The following MAP3K9 variants were observed in gnomAD, a reference collection of about 807,000 sequenced individuals.
The protein encoded by MAP3K9 is mixed lineage kinase 1 (tyr and ser/thr specificity).
Under a neutral mutation model 95.8 loss-of-function variants are expected in MAP3K9, and 46 were observed. The observed-to-expected ratio is 0.48, with a 90% CI of 0.38 to 0.61. The LOEUF is 0.61. Ranked by LOEUF, MAP3K9 falls within the 20% of genes least tolerant of loss-of-function variation. The pLI, the probability that MAP3K9 is intolerant of heterozygous loss-of-function variation, is 0.00. For missense variants in MAP3K9, 1,296 were observed against 1,474.3 expected, an observed-to-expected ratio of 0.88 and a Z score of 1.98; for synonymous variants, 533 against 593.8, an observed-to-expected ratio of 0.90 and a Z score of 1.49.
rs776036323 is a variant in MAP3K9, at chr14:70,761,039, G to T, written c.964C>A (p.Arg322=). ...TYAWMAPEVI[R]ASMFSKGSDV... is the part of the protein sequence containing the mutation. ...CTGCCTTTGGAAAACATGGAGGCCCGGATGACTTCGGGTGCCATCCAAGCA... is the reference window on the plus strand; with the variant it reads ...CTGCCTTTGGAAAACATGGAGGCCCTGATGACTTCGGGTGCCATCCAAGCA... The change falls in exon 3 of 12, where the codon CGG becomes AGG. Residue 322 remains arginine, a synonymous_variant. Coordinates refer to ENST00000554752, the MANE Select transcript of MAP3K9 (RefSeq NM_001284230.2). 1 of 1,613,818 alleles carries T rather than the reference G, an allele frequency of 6.2e-7. No homozygotes were observed. The highest frequency in any genetic ancestry group is 1.7e-5 in the Admixed American group (1 of 59,964).
Position 70,766,871 on chromosome 14 carries a change from T to A in MAP3K9, c.821-5689A>T, listed in dbSNP as rs1008908846. ...TGTAATTGATTAGTCTACCCTGCAC[T>A]TCTTTTTCCTGAATTCTTCCTTCAG... On this transcript the variant is annotated intron_variant, in intron 2 of 11. Transcript: ENST00000554752. 2.0e-5 allele frequency among the ~76,000 whole-genome samples: 3 copies of A among 152,328 alleles called. 1 individual carries two copies. The highest frequency in any genetic ancestry group is 2.0e-4 in the Admixed American group (3 of 15,300).
chr14:70,733,002 C>T lies in MAP3K9; in HGVS notation c.2367G>A (p.Glu789=). ...AAAGACCCTCCCGTCTTTTCTTCTC[C>T]TCCCGGGCTGGTGGCTCAGGCTCCT... ...PLEEPEPPAR[E]EKKRREGLFQ... is the part of the protein sequence containing the mutation. The change falls in exon 11 of 12, where the codon GAG becomes GAA. Residue 789 remains glutamate (E), a synonymous_variant. Coordinates refer to ENST00000554752, the MANE Select transcript of MAP3K9 (RefSeq NM_001284230.2). The T allele has an allele frequency of 6.2e-7, 1 of 1,614,158 alleles. No homozygotes were observed. The highest frequency in any genetic ancestry group is 1.1e-5 in the South Asian group (1 of 91,078).
At chr14:70,801,987 T>A (rs2054935599) in intron 1 of MAP3K9, among the ~76,000 whole-genome samples, 1 of 152,292 alleles carries the variant, frequency 6.6e-6, no homozygotes, top group Admixed American at 6.5e-5. Flanking sequence ...GGCCAGGAAA[T>A]GTCTTTAAAG....
Position 70,742,584 on chromosome 14 carries a change from C to A in MAP3K9, c.1334G>T (p.Arg445Leu). ...CCGCGTCAGCTCCTCCTCCCAGGTG[C>A]GAAGTTCCTGCAGGATGGGCAGAAC... ...DQLRAKEKEL[R>L]TWEEELTRAA... The change falls in exon 6 of 12, where the codon CGC (arginine) becomes CTC (leucine). Residue 445 changes from arginine (R) to leucine (L), a missense_variant. Physicochemically the swap from Arg to Leu is moderately radical, Grantham distance 102. Transcript: ENST00000554752. 6.2e-7 allele frequency: 1 copy of A among 1,613,834 alleles called. No homozygotes were observed.
In MAP3K9 at chr14:70,800,743, C is replaced by A; in HGVS notation, c.744G>T (p.Gln248His). The stretch of plus-strand genomic sequence containing the variant: ...GTAAGTAGTTCATCCCTCTGGCAAT[C>A]TGCACAGCCCAATTCACCAGGATGT... ...PPDILVNWAV[Q>H]IARGMNYLHD... is the part of the protein sequence containing the mutation. Residue 248 changes from glutamine to histidine, a missense_variant, in exon 2 of 12, where the codon CAG becomes CAT. Gln to His is a conservative substitution (Grantham distance 24). Around this residue, in one of 5 missense-constraint regions of MAP3K9, gnomAD observed 338 missense variants for 363.4 expected, o/e 0.93. Coordinates refer to ENST00000554752, the MANE Select transcript of MAP3K9 (RefSeq NM_001284230.2). 6.2e-7 allele frequency: 1 copy of A among 1,614,174 alleles called. No individual in the cohort carries two copies. The highest frequency in any genetic ancestry group is 8.5e-7 in the Non-Finnish European group (1 of 1,180,034).
At chr14:70,769,078 G>A (rs2054495884) in intron 2 of MAP3K9, among the ~76,000 whole-genome samples, 1 of 152,164 alleles carries the variant, frequency 6.6e-6, no homozygotes, top group African/African-American at 2.4e-5. Flanking sequence ...GGGAGTGGTG[G>A]AGCACACCCG....
chr14:70,772,923 T>C (rs1277473806), intron 2 of MAP3K9, among the ~76,000 whole-genome samples: 1 of 152,156 alleles, frequency 6.6e-6, no homozygotes, highest in African/African-American at 2.4e-5. Flanking sequence ...GGACATTTCA[T>C]TCAGCCCAGG....
Position 70,740,675 on chromosome 14 carries a change from G to A in MAP3K9, c.1568-511C>T, listed in dbSNP as rs114541188. 2.7e-3 allele frequency among the ~76,000 whole-genome samples: 404 copies of A among 152,212 alleles called. 2 individuals carry two copies. Among genetic ancestry groups the A allele is most frequent in the African/African-American group, 9.3e-3 (387 of 41,526 alleles). On this transcript the variant is annotated intron_variant, in intron 6 of 11. Coordinates refer to ENST00000554752, the MANE Select transcript of MAP3K9 (RefSeq NM_001284230.2). ...GAGATGGAGCAAATGGCTCCAATTC[G>A]GACACATTCCAAAGGAAGTTACAGT...
intron 2 of MAP3K9, chr14:70,765,330 A>C (rs2054435282): frequency 2.4e-6 from 1 of 424,106 alleles, no homozygotes; most frequent in Non-Finnish European, 4.2e-6. Context: ...ACTCCGTCTA[A>C]AAAAAAGTTT....
intron 2 of MAP3K9, among the ~76,000 whole-genome samples, chr14:70,788,417 T>C (rs918916231): frequency 5.9e-5 from 9 of 152,250 alleles, no homozygotes; most frequent in African/African-American, 1.9e-4. Flanking sequence ...TATTTAATCC[T>C]CACTTCTACC....
chr14:70,766,543 C>G (rs1215816111), intron 2 of MAP3K9, among the ~76,000 whole-genome samples: 1 of 152,148 alleles, frequency 6.6e-6, no homozygotes, highest in Admixed American at 6.5e-5. Context: ...ATAATGACAC[C>G]TACTCATTAT....
chr14:70,783,919 ATTTT>A (rs1199250723), intron 2 of MAP3K9, among the ~76,000 whole-genome samples: 6 of 152,208 alleles, frequency 3.9e-5, no homozygotes, highest in Non-Finnish European at 8.8e-5. Flanking sequence ...TCTGGTTAAA[ATTTT>A]TTAAATTCCA....
chr14:70,798,421 A>ACT (rs2054888248), intron 2 of MAP3K9, among the ~76,000 whole-genome samples: 1 of 147,872 alleles, frequency 6.8e-6, no homozygotes, highest in Non-Finnish European at 1.5e-5. Flanking sequence ...ATTTTCCAGC[A>ACT]ATATAAGCAA....
chr14:70,776,466 C>T (rs556655378), intron 2 of MAP3K9, among the ~76,000 whole-genome samples: 10 of 152,034 alleles, frequency 6.6e-5, no homozygotes, highest in Non-Finnish European at 1.3e-4. Flanking sequence ...CAGGCTGGAC[C>T]CTGCAAATTC....
chr14:70,737,167 C>T (rs570049797), intron 8 of MAP3K9, among the ~76,000 whole-genome samples: 18 of 152,254 alleles, frequency 1.2e-4, no homozygotes, highest in South Asian at 4.1e-4. Context: ...GAAGTATAAA[C>T]GGTTCCGTCC....
chr14:70,808,686 G>A (rs1207477094), intron 1 of MAP3K9, 80 bp downstream of exon 1: 1 of 641,892 alleles, frequency 1.6e-6, no homozygotes, highest in Admixed American at 7.1e-5. Context: ...CCCAGCCCTC[G>A]CGCAGTGCTC....
intron 3 of MAP3K9, among the ~76,000 whole-genome samples, chr14:70,750,422 C>G (rs530683791): frequency 6.6e-6 from 1 of 152,314 alleles, no homozygotes; most frequent in South Asian, 2.1e-4. Context: ...AAATGAGCTA[C>G]TATAGTGTTT....
intron 2 of MAP3K9, among the ~76,000 whole-genome samples, chr14:70,788,451 T>C (rs1454601189): frequency 6.6e-6 from 1 of 152,180 alleles, no homozygotes; most frequent in Non-Finnish European, 1.5e-5. Context: ...TCGGTGGTAT[T>C]ATCATTATTC....
At chr14:70,802,653 A>T (rs748009048) in intron 1 of MAP3K9, among the ~76,000 whole-genome samples, 4 of 152,154 alleles carry the variant, frequency 2.6e-5, no homozygotes, top group Non-Finnish European at 5.9e-5. Context: ...CCAAGACCAA[A>T]TGAGGTCAGG....
Sources: gnomAD v4.1 joint callset for allele counts (sites outside exome capture counted in the v4.1 genomes callset) on GRCh38, gnomAD v4.1.1 for gene constraint, gnomAD v4.1.1 regional missense constraint, MANE v1.5 for transcripts, NCBI Gene and HGNC (gene_info 2026-07-23, HGNC 2026-07-21) for gene names.